Variants in MIOS observed in about 807,000 individuals in gnomAD.
MIOS encodes the protein meiosis regulator for oocyte development, also known as GATOR2 complex protein MIOS.
MIOS carries 52 observed loss-of-function variants against 96.9 expected under a neutral mutation model. That is an observed-to-expected ratio of 0.54 (90% confidence interval 0.43 to 0.68). The LOEUF (loss-of-function observed/expected upper bound fraction) is 0.68, where lower values mean the gene tolerates loss of function less well. Ranked by LOEUF, MIOS falls within the 30% of genes least tolerant of loss-of-function variation. The pLI is 0.00. For synonymous variants in MIOS, 397 were observed against 359.5 expected (o/e 1.10, Z -1.18); for missense variants, 1,005 against 1,052.8 (o/e 0.95, Z 0.63).
chr7:7,598,879 T>G (rs1784291200), intron 11 of MIOS, among the ~76,000 whole-genome samples: 1 of 152,142 alleles, frequency 6.6e-6, no homozygotes, highest in Non-Finnish European at 1.5e-5. Flanking sequence ...TTATCAAATA[T>G]TAACATTTTT....
At chr7:7,581,791 C>T (rs1783734750) in intron 5 of MIOS, 1 of 152,214 alleles carries the variant, frequency 6.6e-6, no homozygotes, top group East Asian at 1.9e-4. Context: ...AGATCTGTCT[C>T]CTGCTGCTTC....
chr7:7,599,865 A>G (rs1239429348), intron 11 of MIOS, among the ~76,000 whole-genome samples: 4 of 152,216 alleles, frequency 2.6e-5, no homozygotes, highest in South Asian at 2.1e-4. Context: ...CTATGCAGCC[A>G]TGTCTTTTGC....
chr7:7,594,861 G>C (rs377694517), intron 9 of MIOS, 119 bp from the exon 10 acceptor site: 2 of 295,418 alleles, frequency 6.8e-6, no homozygotes, highest in South Asian at 1.2e-4. Context: ...CCAGCTTTTG[G>C]CAAAAAAAAA....
chr7:7,567,356 C>T (rs576970061), intron 1 of MIOS: 3 of 152,522 alleles, frequency 2.0e-5, no homozygotes, highest in Non-Finnish European at 2.9e-5. Context: ...CAGCCTTTCC[C>T]GGGAGGCTCA....
chr7:7,569,174 G>C (rs1201848733), intron 3 of MIOS, among the ~76,000 whole-genome samples: 4 of 152,228 alleles, frequency 2.6e-5, no homozygotes, highest in Admixed American at 2.6e-4. Context: ...GTATGAGTAT[G>C]AACCCTTATT....
intron 10 of MIOS, among the ~76,000 whole-genome samples, chr7:7,595,873 C>T (rs950287706): frequency 6.6e-6 from 1 of 152,132 alleles, no homozygotes; most frequent in African/African-American, 2.4e-5. Flanking sequence ...GTCTTAGGAA[C>T]AGCGTTTTCT....
intron 3 of MIOS, among the ~76,000 whole-genome samples, chr7:7,571,379 A>G (rs1783348140): frequency 6.6e-6 from 1 of 152,224 alleles, no homozygotes; most frequent in African/African-American, 2.4e-5. Context: ...AAGAGCCTCT[A>G]ATGATCACTT....
At position 7,573,089 on chromosome 7, in the gene MIOS, A is replaced by C. The variant is rs779729690; in HGVS notation, c.614A>C (p.His205Pro). 1 of 1,614,060 alleles carries C rather than the reference A, an allele frequency of 6.2e-7. No homozygotes were observed. The highest frequency in any genetic ancestry group is 1.7e-5 in the Admixed American group (1 of 60,008). The change falls in exon 4 of 13, where the codon CAT becomes CCT. Residue 205 changes from histidine to proline, a missense_variant. Physicochemically the swap from His to Pro is moderately conservative, Grantham distance 77. This residue lies in a region of MIOS where 865 missense variants were observed against 887.9 expected (regional missense o/e 0.97). Transcript: ENST00000340080. This position sits in a 1 kb window ranked among gnomAD's most constrained non-coding sequence, Gnocchi z 5.0. ...CAGAAACTTCTCCTTGCTGGTATGC[A>C]TCGTAACCTAGCTATATTTGATCTT... ...RDQKLLLAGM[H>P]RNLAIFDLRN...
Position 7,573,571 on chromosome 7 carries a change from T to A in MIOS, c.1096T>A (p.Leu366Ile). 1 of 1,614,086 alleles carries A rather than the reference T, an allele frequency of 6.2e-7. No individual in the cohort carries two copies. The highest frequency in any genetic ancestry group is 8.5e-7 in the Non-Finnish European group (1 of 1,179,936). ...TCTTGCCTGGAGCCCAATTACATCTTTAATGTGGGCTTGTGGTCGTCATTT... is the reference window on the plus strand; with the variant it reads ...TCTTGCCTGGAGCCCAATTACATCTATAATGTGGGCTTGTGGTCGTCATTT... ...ISLAWSPITS[L>I]MWACGRHLYE... The change falls in exon 4 of 13, where the codon TTA becomes ATA. Residue 366 changes from leucine (L) to isoleucine (I), a missense_variant. Leu to Ile is a conservative substitution (Grantham distance 5). Around this residue, in one of 3 missense-constraint regions of MIOS, gnomAD observed 865 missense variants for 887.9 expected, o/e 0.97. Coordinates refer to ENST00000340080, the MANE Select transcript of MIOS (RefSeq NM_019005.4). This position sits in a 1 kb window ranked among gnomAD's most constrained non-coding sequence, Gnocchi z 5.0.
At chr7:7,577,825 C>G (rs1783586524) in intron 5 of MIOS, among the ~76,000 whole-genome samples, 1 of 152,032 alleles carries the variant, frequency 6.6e-6, no homozygotes. Context: ...GGAGAGAGAG[C>G]TGTCTTGAGA....
intron 7 of MIOS, among the ~76,000 whole-genome samples, chr7:7,588,060 G>T (rs556941395): frequency 6.6e-6 from 1 of 152,260 alleles, no homozygotes; most frequent in Admixed American, 6.5e-5. Context: ...ATTCTTCTAA[G>T]TTGTGTACTG....
At chr7:7,576,121 CAA>C (rs1309200630) in intron 5 of MIOS, among the ~76,000 whole-genome samples, 1 of 152,116 alleles carries the variant, frequency 6.6e-6, no homozygotes, top group Non-Finnish European at 1.5e-5. Flanking sequence ...ATTTTGGTAA[CAA>C]ATAGTATATA....
chr7:7,573,069 A>G lies in MIOS; in HGVS notation c.594A>G (p.Lys198=). Residue 198 remains lysine, a synonymous_variant, in exon 4 of 13, where the codon AAA becomes AAG. Transcript: ENST00000340080. This position sits in a 1 kb window ranked among gnomAD's most constrained non-coding sequence, Gnocchi z 5.0. ...LSLCWLPRDQ[K]LLLAGMHRNL... is the part of the protein sequence containing the mutation. ...TTTGTTGGCTTCCACGAGACCAGAA[A>G]CTTCTCCTTGCTGGTATGCATCGTA... 1 of 1,614,104 alleles carries G rather than the reference A, an allele frequency of 6.2e-7. No homozygotes were observed. The highest frequency in any genetic ancestry group is 8.5e-7 in the Non-Finnish European group (1 of 1,179,988).
At chr7:7,593,934 A>G (rs1457177284) in intron 9 of MIOS, among the ~76,000 whole-genome samples, 1 of 151,824 alleles carries the variant, frequency 6.6e-6, no homozygotes, top group Non-Finnish European at 1.5e-5. Context: ...AAGCAAGCAT[A>G]GATGAAATGT....
At chr7:7,568,232 A>G (rs904237620) in intron 3 of MIOS, 109 bp downstream of exon 3, 1 of 152,234 alleles carries the variant, frequency 6.6e-6, no homozygotes, top group Non-Finnish European at 1.5e-5. Flanking sequence ...GGGCTGATTA[A>G]GGGAATGGTA....
chr7:7,598,176 G>A (rs1055528804), intron 11 of MIOS, among the ~76,000 whole-genome samples: 13 of 152,154 alleles, frequency 8.5e-5, no homozygotes, highest in Non-Finnish European at 1.8e-4. Flanking sequence ...AATGAATAAA[G>A]AACTGGTTAG....
intron 3 of MIOS, among the ~76,000 whole-genome samples, chr7:7,569,453 G>A (rs139089682): frequency 7.9e-5 from 12 of 152,326 alleles, no homozygotes; most frequent in Non-Finnish European, 1.5e-4. Context: ...AATCTTGGCC[G>A]GAGCCAGCCT....
intron 11 of MIOS, among the ~76,000 whole-genome samples, chr7:7,603,022 G>A (rs1583660492): frequency 6.6e-6 from 1 of 151,494 alleles, no homozygotes; most frequent in African/African-American, 2.4e-5. Context: ...GCCATATGTA[G>A]AAAGCTGAAA....
intron 11 of MIOS, among the ~76,000 whole-genome samples, chr7:7,598,339 T>A (rs1235903533): frequency 6.6e-6 from 1 of 152,220 alleles, no homozygotes; most frequent in Admixed American, 6.5e-5. Context: ...GTCTGCTTTA[T>A]CATTACATTA....
Sources: gnomAD v4.1 joint callset for allele counts (sites outside exome capture counted in the v4.1 genomes callset) on GRCh38, gnomAD v4.1.1 for gene constraint, gnomAD v4.1.1 regional missense constraint, Gnocchi (gnomAD v3.1) non-coding constraint, MANE v1.5 for transcripts, NCBI Gene and HGNC (gene_info 2026-07-23, HGNC 2026-07-21) for gene names.